Variants in SYT9 observed in about 807,000 individuals in gnomAD.
SYT9 encodes synaptotagmin-9.
SYT9 carries 22 observed loss-of-function variants against 48.4 expected under a neutral mutation model. That is an observed-to-expected ratio of 0.45 (90% CI 0.32 to 0.65). The LOEUF (loss-of-function observed/expected upper bound fraction) is 0.65, where lower values mean the gene tolerates loss of function less well. Among genes scored for constraint, SYT9 ranks in the 30% least tolerant of loss-of-function variants. The pLI is 0.03. For synonymous variants in SYT9, 265 were observed against 245.0 expected, an observed-to-expected ratio of 1.08 and a Z score of -0.76; for missense variants, 577 against 622.0, an observed-to-expected ratio of 0.93 and a Z score of 0.77.
At chr11:7,400,867 T>A (rs994136696) in intron 3 of SYT9, among the ~76,000 whole-genome samples, 2 of 152,144 alleles carry the variant, frequency 1.3e-5, no homozygotes, top group African/African-American at 4.8e-5. Flanking sequence ...GTATAATATG[T>A]AATATATATA....
At chr11:7,407,860 C>T (rs561853156) in intron 3 of SYT9, among the ~76,000 whole-genome samples, 8 of 152,278 alleles carry the variant, frequency 5.3e-5, no homozygotes, top group African/African-American at 1.9e-4. Context: ...CATTTCTGTA[C>T]TATCTATCCT....
intron 3 of SYT9, among the ~76,000 whole-genome samples, chr11:7,398,908 A>G (rs759431201): frequency 2.4e-4 from 37 of 152,124 alleles, no homozygotes; most frequent in Non-Finnish European, 4.7e-4. Context: ...CACTCATGCA[A>G]TTATTTCCAC....
At chr11:7,325,239 C>T (rs1849409377) in intron 3 of SYT9, among the ~76,000 whole-genome samples, 1 of 74,292 alleles carries the variant, frequency 1.3e-5, no homozygotes, top group Non-Finnish European at 2.9e-5. Context: ...TCTTCCTACC[C>T]ATGAGCATGG....
chr11:7,341,553 G>C, intron 3 of SYT9, among the ~76,000 whole-genome samples: 1 of 152,116 alleles, frequency 6.6e-6, no homozygotes, highest in Non-Finnish European at 1.5e-5. Context: ...TGCCATGATT[G>C]TGAGGCCTCC....
intron 3 of SYT9, among the ~76,000 whole-genome samples, chr11:7,368,806 A>C (rs7120435): frequency 0.022 from 3,328 of 152,176 alleles, 114 homozygotes; most frequent in African/African-American, 0.077. Context: ...GCTATTGTGA[A>C]TATTGCTGCA....
chr11:7,383,131 C>T (rs1471377612), intron 3 of SYT9, among the ~76,000 whole-genome samples: 4 of 152,172 alleles, frequency 2.6e-5, no homozygotes, highest in African/African-American at 7.2e-5. Context: ...AAACTATTAA[C>T]GTCGTCCATG....
chr11:7,379,257 A>G (rs1189322077), intron 3 of SYT9, among the ~76,000 whole-genome samples: 3 of 152,184 alleles, frequency 2.0e-5, no homozygotes, highest in Non-Finnish European at 4.4e-5. Context: ...TTTGAATTTC[A>G]AAGTATCTAT....
At chr11:7,294,711 T>C (rs558987864) in intron 1 of SYT9, among the ~76,000 whole-genome samples, 2 of 152,338 alleles carry the variant, frequency 1.3e-5, no homozygotes, top group East Asian at 3.9e-4. Context: ...GGGCTGTGGC[T>C]CTGCCCCAGC....
intron 3 of SYT9, among the ~76,000 whole-genome samples, chr11:7,368,608 A>C (rs939784976): frequency 6.6e-6 from 1 of 152,264 alleles, no homozygotes; most frequent in African/African-American, 2.4e-5. Flanking sequence ...GAGTGAGAAC[A>C]TGCAGTGTTT....
intron 3 of SYT9, among the ~76,000 whole-genome samples, chr11:7,345,660 A>G (rs1024583684): frequency 1.2e-4 from 19 of 152,252 alleles, no homozygotes; most frequent in Non-Finnish European, 2.6e-4. Context: ...CCTGTGAGAC[A>G]TTCAAGTATA....
intron 3 of SYT9, among the ~76,000 whole-genome samples, chr11:7,351,194 T>C (rs1053372236): frequency 6.6e-6 from 1 of 152,244 alleles, no homozygotes; most frequent in Non-Finnish European, 1.5e-5. Flanking sequence ...TGAACTTTGG[T>C]GGGGAAAGAA....
At chr11:7,265,560 A>G (rs552024922) in intron 1 of SYT9, among the ~76,000 whole-genome samples, 1 of 152,168 alleles carries the variant, frequency 6.6e-6, no homozygotes, top group Non-Finnish European at 1.5e-5. Flanking sequence ...ATTACTTTTT[A>G]CAGCCCCTTG....
At chr11:7,388,816 C>T (rs1017017295) in intron 3 of SYT9, among the ~76,000 whole-genome samples, 25 of 152,064 alleles carry the variant, frequency 1.6e-4, no homozygotes, top group African/African-American at 5.8e-4. Context: ...GCGTTATGAT[C>T]ATTCCTCATC....
intron 1 of SYT9, among the ~76,000 whole-genome samples, chr11:7,253,451 G>T (rs1239547438): frequency 6.6e-6 from 1 of 152,136 alleles, no homozygotes; most frequent in Non-Finnish European, 1.5e-5. Flanking sequence ...AGAATTATTT[G>T]ATTTATAAAG....
At chr11:7,317,668 G>C (rs1849265869) in intron 3 of SYT9, among the ~76,000 whole-genome samples, 1 of 152,130 alleles carries the variant, frequency 6.6e-6, no homozygotes. Context: ...AAAACATTCA[G>C]TCCATAACAT....
At chr11:7,288,268 C>G (rs1026742049) in intron 1 of SYT9, among the ~76,000 whole-genome samples, 1 of 136,664 alleles carries the variant, frequency 7.3e-6, no homozygotes, top group African/African-American at 2.8e-5. Context: ...TTTGGTAAAA[C>G]TATGGCATTA....
chr11:7,398,958 CA>C (rs61239118), intron 3 of SYT9, among the ~76,000 whole-genome samples: 121,906 of 151,960 alleles, frequency 0.8, 50,079 homozygotes, highest in Non-Finnish European at 0.89. Flanking sequence ...CTAGACACAC[CA>C]AACAGCAGGT....
Position 7,252,023 on chromosome 11 carries a change from G to A in SYT9, c.-164G>A. 1.3e-6 allele frequency: 1 copy of A among 753,778 alleles called. No individual in the cohort carries two copies. The highest frequency in any genetic ancestry group is 1.9e-6 in the Non-Finnish European group (1 of 531,922). The allele number at this position is 753,778 out of a possible 1,614,324, so 46.7% of individuals were successfully genotyped here. A position where few individuals can be genotyped will look rare whatever the true frequency, so the allele number is the denominator to read the frequency against. On this transcript the variant is annotated 5_prime_UTR_variant, in exon 1 of 7. Coordinates refer to ENST00000318881, the MANE Select transcript of SYT9 (RefSeq NM_175733.4). The surrounding 1 kb of genome is among the most constrained non-coding windows in gnomAD (Gnocchi z 6.3). ...AAGAGCTGCATGCAACCGGTGGGAG[G>A]CCGGGCCGGCTGGGTCTGGGGCTCG... is the stretch of plus-strand genomic sequence containing the variant.
intron 3 of SYT9, among the ~76,000 whole-genome samples, chr11:7,319,812 G>A (rs1279718678): frequency 6.6e-6 from 1 of 152,172 alleles, no homozygotes; most frequent in Middle Eastern, 3.2e-3. Context: ...AGCCACCAGA[G>A]ACTCACATTT....
Sources: gnomAD v4.1 joint callset for allele counts (sites outside exome capture counted in the v4.1 genomes callset) on GRCh38, gnomAD v4.1.1 for gene constraint, Gnocchi (gnomAD v3.1) non-coding constraint, MANE v1.5 for transcripts, NCBI Gene and HGNC (gene_info 2026-07-23, HGNC 2026-07-21) for gene names.